RARB: variants seen among roughly 807,000 people sequenced by gnomAD.
RARB encodes the protein retinoic acid receptor beta, also known as HBV-activated protein.
In RARB, 17 loss-of-function variants were observed where a neutral mutation model predicts 51.9. The ratio of observed to expected loss-of-function variants is 0.33; its 90% CI spans 0.22 to 0.49. RARB has a LOEUF of 0.49. Ranked by LOEUF, RARB falls within the 20% of genes least tolerant of loss-of-function variation. The pLI is 0.99. For missense variants in RARB, 369 were observed against 550.8 expected, an observed-to-expected ratio of 0.67 and a Z score of 3.30; for synonymous variants, 215 against 195.4, an observed-to-expected ratio of 1.10 and a Z score of -0.84.
chr3:25,515,971 T>C (rs769514805), intron 3 of RARB, among the ~76,000 whole-genome samples: 2 of 152,262 alleles, frequency 1.3e-5, no homozygotes, highest in Non-Finnish European at 2.9e-5. Context: ...ATTAGAAGAA[T>C]CTTCCTTCCT....
intron 5 of RARB, among the ~76,000 whole-genome samples, chr3:25,219,845 T>A (rs978194833): frequency 6.6e-6 from 1 of 152,102 alleles, no homozygotes; most frequent in Non-Finnish European, 1.5e-5. Flanking sequence ...TTTTAACTCA[T>A]CCAAAGAGAG....
chr3:25,184,411 T>G (rs984676289), intron 5 of RARB, among the ~76,000 whole-genome samples: 1 of 152,132 alleles, frequency 6.6e-6, no homozygotes, highest in Non-Finnish European at 1.5e-5. Context: ...CGAGAAGTAC[T>G]GCTTGGAGAC....
chr3:25,060,778 A>G (rs1122714), intron 3 of RARB, among the ~76,000 whole-genome samples: 23,844 of 151,838 alleles, frequency 0.16, 2,094 homozygotes, highest in South Asian at 0.23. Context: ...TAAGGTAGGT[A>G]GACTCGCTGG....
intron 5 of RARB, among the ~76,000 whole-genome samples, chr3:25,247,087 C>T (rs973804368): frequency 5.3e-5 from 8 of 152,226 alleles, no homozygotes; most frequent in African/African-American, 1.9e-4. Flanking sequence ...GGGCTCCGCC[C>T]AGTCAGAACT....
At chr3:25,473,784 C>T (rs1695817283) in intron 2 of RARB, among the ~76,000 whole-genome samples, 1 of 152,028 alleles carries the variant, frequency 6.6e-6, no homozygotes, top group South Asian at 2.1e-4. Flanking sequence ...TCTCCTCCCT[C>T]TCAGGGCTTC....
rs187033384 is a variant in RARB, at chr3:25,469,627, G to A, written c.306+8286G>A. 3.5e-3 allele frequency among the ~76,000 whole-genome samples: 540 copies of A among 152,302 alleles called. 3 individuals are homozygous for A. The highest frequency in any genetic ancestry group is 0.01 in the Middle Eastern group (3 of 294). On this transcript the variant is annotated intron_variant, in intron 2 of 7. Coordinates refer to ENST00000330688, the MANE Select transcript of RARB (RefSeq NM_000965.5). ...CCTGTTGCTATAATCTGCCAACCAT[G>A]GAGGATTTACATGTTTCCTCATTCA...
chr3:24,940,275 A>G (rs1695634869), intron 2 of RARB, among the ~76,000 whole-genome samples: 1 of 152,202 alleles, frequency 6.6e-6, no homozygotes, highest in African/African-American at 2.4e-5. Flanking sequence ...AGCCATGGAA[A>G]TAATGGGAGC....
chr3:25,594,017 A>G (rs1170919272), intron 6 of RARB, among the ~76,000 whole-genome samples: 3 of 152,178 alleles, frequency 2.0e-5, no homozygotes, highest in Non-Finnish European at 4.4e-5. Context: ...AATGATGACA[A>G]GGGACTTGTA....
Position 25,063,552 on chromosome 3 carries a change from A to G in RARB, c.-328+3376A>G, listed in dbSNP as rs74836111. On this transcript the variant is annotated intron_variant, in intron 3 of 11. Transcript: ENST00000383772. ...TAAAAAAACAAAAATGTACAGGCCT[A>G]AATAAAAATATGAAATAAATGTGAG... Among the ~76,000 whole-genome samples the G allele has an allele frequency of 6.6e-5, 10 of 152,166 alleles. No individual in the cohort carries two copies. The East Asian group carries it at 1.9e-3, about 29-fold the overall frequency.
chr3:25,158,039 C>A (rs1303582136), intron 4 of RARB, among the ~76,000 whole-genome samples: 1 of 152,212 alleles, frequency 6.6e-6, no homozygotes, highest in Non-Finnish European at 1.5e-5. Context: ...GCAATTTTCT[C>A]CATAATGTGA....
chr3:25,036,054 A>C (rs557650334), intron 2 of RARB, among the ~76,000 whole-genome samples: 1 of 152,280 alleles, frequency 6.6e-6, no homozygotes, highest in South Asian at 2.1e-4. Context: ...CCCAAGTACT[A>C]TGCCACGCTG....
upstream of RARB, among the ~76,000 whole-genome samples, chr3:25,426,761 G>A (rs1175880303): frequency 6.6e-6 from 1 of 152,218 alleles, no homozygotes; most frequent in Admixed American, 6.5e-5. Flanking sequence ...TTTGATGTAT[G>A]TTGCATCCTT....
chr3:24,931,117 G>T (rs1361586175), intron 2 of RARB, among the ~76,000 whole-genome samples: 2 of 152,028 alleles, frequency 1.3e-5, no homozygotes, highest in African/African-American at 4.8e-5. Context: ...AGACAGTCTG[G>T]CTTCACAGTC....
intron 2 of RARB, among the ~76,000 whole-genome samples, chr3:25,026,458 C>A (rs945740078): frequency 9.2e-5 from 14 of 152,166 alleles, no homozygotes; most frequent in Non-Finnish European, 1.9e-4. Context: ...CCCTTCTTGC[C>A]ATGTGCTCAC....
intron 5 of RARB, among the ~76,000 whole-genome samples, chr3:25,347,020 T>C (rs1705416265): frequency 6.6e-6 from 1 of 152,194 alleles, no homozygotes; most frequent in African/African-American, 2.4e-5. Context: ...GGAATATAGG[T>C]TTCAGAAGAG....
intron 3 of RARB, among the ~76,000 whole-genome samples, chr3:25,544,889 A>G (rs972925856): frequency 2.6e-5 from 4 of 152,186 alleles, no homozygotes; most frequent in Non-Finnish European, 4.4e-5. Flanking sequence ...CACTTGAGCT[A>G]TTGGTTTCAA....
intron 3 of RARB, among the ~76,000 whole-genome samples, chr3:25,525,960 GAC>G (rs1306053912): frequency 6.6e-6 from 1 of 152,188 alleles, no homozygotes; most frequent in Non-Finnish European, 1.5e-5. Flanking sequence ...AAACAAAACA[GAC>G]ACAGTCATGG....
chr3:25,524,638 T>G (rs1442511796), intron 3 of RARB, among the ~76,000 whole-genome samples: 1 of 125,540 alleles, frequency 8.0e-6, no homozygotes, highest in African/African-American at 3.1e-5. Context: ...GCCTCCCTCC[T>G]TCCTCCCTCC....
chr3:25,568,202 G>A (rs1164344278), intron 3 of RARB, among the ~76,000 whole-genome samples: 1 of 152,208 alleles, frequency 6.6e-6, no homozygotes, highest in Non-Finnish European at 1.5e-5. Flanking sequence ...AAACTGTCTA[G>A]AAGGGTGTTC....
Sources: gnomAD v4.1 joint callset for allele counts (sites outside exome capture counted in the v4.1 genomes callset) on GRCh38, gnomAD v4.1.1 for gene constraint, MANE v1.5 for transcripts, NCBI Gene and HGNC (gene_info 2026-07-23, HGNC 2026-07-21) for gene names.